The following RNF150 variants were observed in gnomAD, a reference collection of about 807,000 sequenced individuals.
RNF150 encodes ring finger protein 150.
Under a neutral mutation model 39.3 loss-of-function variants are expected in RNF150, and 24 were observed. The observed-to-expected ratio is 0.61, with a 90% CI of 0.44 to 0.86. The LOEUF is 0.86. RNF150 is among the 40% of genes least tolerant of loss of function. The pLI is 0.00. For synonymous variants in RNF150, 255 were observed against 227.3 expected (o/e 1.12, Z -1.10); for missense variants, 502 against 587.8 (o/e 0.85, Z 1.51).
rs773571878 is a variant in RNF150, at chr4:141,132,477, G to A, written c.332C>T (p.Pro111Leu). Residue 111 changes from proline (P) to leucine (L), a missense_variant, in exon 1 of 7, where the codon CCG becomes CTG. Coordinates refer to ENST00000515673, the MANE Select transcript of RNF150 (RefSeq NM_020724.2). The surrounding 1 kb of genome is among the most constrained non-coding windows in gnomAD (Gnocchi z 4.9). The stretch of plus-strand genomic sequence containing the variant: ...GGCTATCCAGTTCTTGCCGCGGGTC[G>A]GGGCGGCGAACTTGGTGTTGGGGTC... ...ACDPNTKFAAPTRGKNWIALI... is the reference protein window; with the variant it reads ...ACDPNTKFAALTRGKNWIALI... The A allele has an allele frequency of 2.1e-4, 330 of 1,608,574 alleles. No homozygotes were observed. Among genetic ancestry groups the A allele is most frequent in the Non-Finnish European group, 2.7e-4 (319 of 1,178,306 alleles).
chr4:140,987,263 C>A (rs906978636), intron 1 of RNF150, among the ~76,000 whole-genome samples: 19 of 152,002 alleles, frequency 1.2e-4, no homozygotes, highest in Admixed American at 1.2e-3. Flanking sequence ...TTAGAAAAAA[C>A]TATTCTAAAA....
intron 1 of RNF150, among the ~76,000 whole-genome samples, chr4:141,097,546 T>G (rs984910261): frequency 1.5e-4 from 23 of 152,290 alleles, no homozygotes; most frequent in South Asian, 4.1e-4. Context: ...GCCTTAAAAT[T>G]TATGGTAATT....
chr4:141,074,864 A>T (rs1737839169), intron 1 of RNF150, among the ~76,000 whole-genome samples: 1 of 151,958 alleles, frequency 6.6e-6, no homozygotes, highest in Non-Finnish European at 1.5e-5. Flanking sequence ...TATCCAGTTA[A>T]CCTCTTGCAC....
intron 1 of RNF150, among the ~76,000 whole-genome samples, chr4:141,178,744 C>T (rs188352455): frequency 6.7e-6 from 1 of 148,896 alleles, no homozygotes; most frequent in East Asian, 1.9e-4. Flanking sequence ...TTCATGTTCT[C>T]CAACTGCTTC....
At chr4:141,152,014 A>T (rs1159038631) in intron 1 of RNF150, among the ~76,000 whole-genome samples, 1 of 152,222 alleles carries the variant, frequency 6.6e-6, no homozygotes, top group African/African-American at 2.4e-5. Context: ...CAGCCAAAAA[A>T]AAAAATGTGG....
rs201811167 is a variant in RNF150 at position 141,047,997 on chromosome 4, G to A, written c.485-80124C>T. On this transcript the variant is annotated intron_variant, in intron 1 of 6. Coordinates refer to ENST00000515673, the MANE Select transcript of RNF150 (RefSeq NM_020724.2). Reference sequence around the variant, plus strand: ...TGAGAGTATGGCACTTAAGAAACACGTCTGTGAGTGTGCTACCATGGCATT... The same window carrying A: ...TGAGAGTATGGCACTTAAGAAACACATCTGTGAGTGTGCTACCATGGCATT... 1.3e-4 allele frequency among the ~76,000 whole-genome samples: 20 copies of A among 152,172 alleles called. No homozygotes were observed. The East Asian group carries it at 2.7e-3, about 21-fold the overall frequency.
intron 5 of RNF150, among the ~76,000 whole-genome samples, chr4:140,924,442 C>T (rs990971076): frequency 3.3e-5 from 5 of 152,146 alleles, no homozygotes; most frequent in African/African-American, 9.7e-5. Flanking sequence ...GTTTCATTGT[C>T]CTGACCAGAG....
At chr4:141,013,670 G>A (rs1735157175) in intron 1 of RNF150, among the ~76,000 whole-genome samples, 1 of 152,132 alleles carries the variant, frequency 6.6e-6, no homozygotes, top group Middle Eastern at 3.2e-3. Context: ...AGAAAAGCAT[G>A]CTGAATTATT....
chr4:141,075,458 T>C (rs951570572), intron 1 of RNF150, among the ~76,000 whole-genome samples: 3 of 152,254 alleles, frequency 2.0e-5, no homozygotes, highest in African/African-American at 7.2e-5. Context: ...AGCACTGATA[T>C]CCATTGTTAT....
chr4:141,009,397 G>A (rs746154967), intron 1 of RNF150, among the ~76,000 whole-genome samples: 2 of 152,142 alleles, frequency 1.3e-5, no homozygotes, highest in Non-Finnish European at 2.9e-5. Context: ...CTTACTGTCC[G>A]TGTGATGCTA....
intron 5 of RNF150, among the ~76,000 whole-genome samples, chr4:140,912,970 A>T (rs1380912037): frequency 7.2e-5 from 11 of 151,806 alleles, no homozygotes; most frequent in Admixed American, 2.0e-4. Context: ...AAAAAAAAAA[A>T]AAAAAAAAAA....
At chr4:141,070,730 C>T (rs1318358977) in intron 1 of RNF150, among the ~76,000 whole-genome samples, 2 of 128,954 alleles carry the variant, frequency 1.6e-5, no homozygotes, top group Non-Finnish European at 3.6e-5. Context: ...AGTCAGGAAA[C>T]AACAGGTGCT....
rs1728571306 is a variant in RNF150 at position 140,863,483 on chromosome 4, CCAA to C, written c.*4775_*4777del. The C allele has an allele frequency of 6.6e-6, 1 of 152,018 alleles. No individual in the cohort carries two copies. Among genetic ancestry groups the C allele is most frequent in the Non-Finnish European group, 1.5e-5 (1 of 68,012 alleles). The allele number at this position is 152,018 out of a possible 1,614,324, so 9.4% of individuals were successfully genotyped here. On this transcript the variant is annotated 3_prime_UTR_variant, in exon 7 of 7. Transcript: ENST00000515673. The stretch of plus-strand genomic sequence containing the variant: ...CTACACAATAAAAAGAGGAAAAACA[CCAA>C]CAACAGTAACAATGGTAATCACAAT...
intron 1 of RNF150, among the ~76,000 whole-genome samples, chr4:141,051,366 G>C (rs1302878961): frequency 1.3e-5 from 2 of 152,178 alleles, no homozygotes; most frequent in Non-Finnish European, 2.9e-5. Flanking sequence ...CAGCTGGCTT[G>C]AATTTCTCCT....
At chr4:141,170,800 T>A (rs1320643473) in intron 1 of RNF150, among the ~76,000 whole-genome samples, 1 of 152,198 alleles carries the variant, frequency 6.6e-6, no homozygotes, top group Non-Finnish European at 1.5e-5. Context: ...TTCCAGAGAA[T>A]AATTGAACAT....
chr4:141,163,988 G>A (rs1207743083), intron 1 of RNF150, among the ~76,000 whole-genome samples: 2 of 151,924 alleles, frequency 1.3e-5, no homozygotes, highest in Non-Finnish European at 2.9e-5. Context: ...TCAGAAGGTG[G>A]GTAATAAGAA....
At chr4:141,167,792 T>A (rs1483303392) in intron 1 of RNF150, among the ~76,000 whole-genome samples, 1 of 152,074 alleles carries the variant, frequency 6.6e-6, no homozygotes, top group African/African-American at 2.4e-5. Context: ...AAAAATTAAC[T>A]CAAGATGGAT....
intron 1 of RNF150, among the ~76,000 whole-genome samples, chr4:140,979,140 G>A (rs1733770237): frequency 6.6e-6 from 1 of 152,012 alleles, no homozygotes; most frequent in South Asian, 2.1e-4. Flanking sequence ...TGTATATGCA[G>A]GTTTCACATC....
At chr4:141,196,591 A>G (rs1195335369) in intron 1 of RNF150, among the ~76,000 whole-genome samples, 1 of 152,204 alleles carries the variant, frequency 6.6e-6, no homozygotes, top group Non-Finnish European at 1.5e-5. Flanking sequence ...GGCTTTTGGT[A>G]TAAATACAAA....
Sources: allele counts gnomAD v4.1 joint callset (sites outside exome capture counted in the v4.1 genomes callset), GRCh38; gene constraint gnomAD v4.1.1; non-coding constraint Gnocchi (gnomAD v3.1); transcripts MANE v1.5; gene names NCBI Gene and HGNC (gene_info 2026-07-23, HGNC 2026-07-21).